WDPCP: variants seen among roughly 807,000 people sequenced by gnomAD.
WDPCP encodes the protein WD repeat-containing and planar cell polarity effector protein fritz homolog.
WDPCP carries 71 observed loss-of-function variants against 93.1 expected under a neutral mutation model. That is an observed-to-expected ratio of 0.76 (90% CI 0.63 to 0.93). The LOEUF (loss-of-function observed/expected upper bound fraction) is 0.93. Among genes scored for constraint, WDPCP ranks in the 40% least tolerant of loss-of-function variants. WDPCP has a pLI of 0.00. For synonymous variants in WDPCP, 315 were observed against 315.0 expected, an observed-to-expected ratio of 1.00 and a Z score of 0.00; for missense variants, 844 against 887.4, an observed-to-expected ratio of 0.95 and a Z score of 0.62.
intron 1 of WDPCP, among the ~76,000 whole-genome samples, chr2:63,566,270 A>T (rs1575662121): frequency 6.6e-6 from 1 of 152,238 alleles, no homozygotes; most frequent in Admixed American, 6.5e-5. Flanking sequence ...TCACTGAGAT[A>T]GATGGATATC....
At chr2:63,153,692 G>T in intron 15 of WDPCP, 118 bp from the exon 16 acceptor site, 1 of 602,970 alleles carries the variant, frequency 1.7e-6, no homozygotes, top group Non-Finnish European at 2.6e-6. Flanking sequence ...GTTAAAAAAT[G>T]TAATTAAAAA....
At chr2:63,681,868 T>C (rs532686075) in intron 2 of WDPCP, among the ~76,000 whole-genome samples, 1 of 152,102 alleles carries the variant, frequency 6.6e-6, no homozygotes, top group East Asian at 1.9e-4. Context: ...TGAGAGAAAG[T>C]AAAGGAAGAG....
intron 12 of WDPCP, among the ~76,000 whole-genome samples, chr2:63,362,181 C>T (rs1413991724): frequency 6.6e-6 from 1 of 150,558 alleles, no homozygotes; most frequent in East Asian, 2.0e-4. Context: ...TTCCATCTAA[C>T]TATTTTTTGC....
At chr2:63,191,396 G>GA (rs1365509243) in intron 14 of WDPCP, among the ~76,000 whole-genome samples, 1 of 151,162 alleles carries the variant, frequency 6.6e-6, no homozygotes, top group East Asian at 1.9e-4. Flanking sequence ...CATCTCAAAA[G>GA]AAAAAAAAGA....
rs1695394313 is a variant in WDPCP, at chr2:63,416,100, A to G, written c.826-11443T>C. ...ATTATCTCCTCAAAACAAAAATTAT[A>G]CAAATACAAAACATTATTGCTAGTT... is the stretch of plus-strand genomic sequence containing the variant. On this transcript the variant is annotated intron_variant, in intron 9 of 17. Transcript: ENST00000272321. 4.6e-5 allele frequency among the ~76,000 whole-genome samples: 7 copies of G among 152,250 alleles called. 2 individuals carry two copies. The highest frequency in any genetic ancestry group is 4.6e-4 in the Admixed American group (7 of 15,286).
chr2:63,192,398 C>T (rs1170978933), intron 14 of WDPCP, among the ~76,000 whole-genome samples: 1 of 151,972 alleles, frequency 6.6e-6, no homozygotes, highest in African/African-American at 2.4e-5. Context: ...ATGTAAAGGA[C>T]AAAGACTAAA....
At chr2:63,574,188 T>A (rs1350540043) in intron 1 of WDPCP, among the ~76,000 whole-genome samples, 1 of 152,156 alleles carries the variant, frequency 6.6e-6, no homozygotes, top group Non-Finnish European at 1.5e-5. Context: ...CTCCCTCCCC[T>A]TTTGAAAATC....
chr2:63,450,563 A>T (rs1217178717), intron 6 of WDPCP, among the ~76,000 whole-genome samples: 1 of 152,152 alleles, frequency 6.6e-6, no homozygotes, highest in African/African-American at 2.4e-5. Flanking sequence ...TGCTAACACC[A>T]GTGCCACTGC....
At chr2:63,203,019 C>G (rs1411800865) in intron 14 of WDPCP, among the ~76,000 whole-genome samples, 1 of 152,096 alleles carries the variant, frequency 6.6e-6, no homozygotes, top group Non-Finnish European at 1.5e-5. Context: ...TACACACGTA[C>G]AGAGTCTGTG....
At chr2:63,333,975 T>A (rs1688167947) in intron 12 of WDPCP, among the ~76,000 whole-genome samples, 1 of 152,250 alleles carries the variant, frequency 6.6e-6, no homozygotes, top group African/African-American at 2.4e-5. Context: ...CTTTGTTCTT[T>A]TTCAAGATTG....
chr2:63,745,190 T>C (rs1299587496), intron 2 of WDPCP, among the ~76,000 whole-genome samples: 1 of 152,210 alleles, frequency 6.6e-6, no homozygotes, highest in Non-Finnish European at 1.5e-5. Context: ...TTGTTTTAAG[T>C]TTTGCCTTTA....
intron 17 of WDPCP, among the ~76,000 whole-genome samples, chr2:63,127,543 T>C (rs80273842): frequency 0.019 from 2,906 of 151,866 alleles, 103 homozygotes; most frequent in African/African-American, 0.067. Flanking sequence ...AAACTTATGA[T>C]AGAAGTAGTA....
In WDPCP at chr2:63,812,243, T is replaced by C. The variant is rs566428550; in HGVS notation, n.308+1379A>G. Among the ~76,000 whole-genome samples the C allele has an allele frequency of 3.9e-5, 6 of 152,252 alleles. No individual in the cohort carries two copies. In the South Asian group the frequency reaches 1.2e-3, roughly 32 times the overall value. On this transcript the variant is annotated intron_variant and non_coding_transcript_variant, in intron 2 of 4. Transcript: ENST00000467687. ...TCCAACCATGTTGCTGCAAGGGACA[T>C]GATTTTGTTCTTTTTTTATGGCACC...
chr2:63,320,836 T>A (rs1326535334), intron 12 of WDPCP, among the ~76,000 whole-genome samples: 1 of 152,040 alleles, frequency 6.6e-6, no homozygotes, highest in African/African-American at 2.4e-5. Context: ...TGCAACTACA[T>A]CCATAATTAC....
intron 13 of WDPCP, among the ~76,000 whole-genome samples, chr2:63,311,957 T>G (rs944961843): frequency 2.0e-5 from 3 of 152,054 alleles, no homozygotes; most frequent in African/African-American, 7.2e-5. Flanking sequence ...CTACCATTAT[T>G]GGGGTAAGTG....
chr2:63,172,537 G>T (rs1673473478), intron 15 of WDPCP, among the ~76,000 whole-genome samples: 1 of 151,550 alleles, frequency 6.6e-6, no homozygotes, highest in Non-Finnish European at 1.5e-5. Flanking sequence ...TAATAAAGAG[G>T]TAGGACTTCT....
At chr2:63,660,012 TC>T (rs1710208809) in intron 2 of WDPCP, among the ~76,000 whole-genome samples, 1 of 152,196 alleles carries the variant, frequency 6.6e-6, no homozygotes, top group East Asian at 1.9e-4. Context: ...TACCCTTATC[TC>T]TTTTTAGATT....
At chr2:63,747,191 T>C (rs1319801185) in intron 2 of WDPCP, among the ~76,000 whole-genome samples, 2 of 152,188 alleles carry the variant, frequency 1.3e-5, no homozygotes, top group Non-Finnish European at 2.9e-5. Context: ...TGTTAGATCT[T>C]AGTAACATAT....
intron 14 of WDPCP, among the ~76,000 whole-genome samples, chr2:63,176,099 G>GT (rs1181092694): frequency 5.3e-5 from 8 of 151,988 alleles, no homozygotes; most frequent in African/African-American, 1.2e-4. Flanking sequence ...GTTATTTTCT[G>GT]TTTTTTTAAA....
Sources: allele counts gnomAD v4.1 joint callset (sites outside exome capture counted in the v4.1 genomes callset), GRCh38; gene constraint gnomAD v4.1.1; transcripts MANE v1.5; gene names NCBI Gene and HGNC (gene_info 2026-07-23, HGNC 2026-07-21).